The following GPC5 variants were observed in gnomAD, a reference collection of about 807,000 sequenced individuals.
The protein encoded by GPC5 is glypican 5, also known as glypican-5.
A neutral mutation model predicts 53.9 loss-of-function variants in GPC5; 47 were observed. That is an observed-to-expected ratio of 0.87 (90% CI 0.69 to 1.11). The LOEUF is 1.11. Among genes scored for constraint, GPC5 ranks in the 50% most tolerant of loss-of-function variants. GPC5 has a pLI of 0.00. For missense variants in GPC5, 748 were observed against 713.1 expected (o/e 1.05, Z -0.56); for synonymous variants, 286 against 263.3 (o/e 1.09, Z -0.84).
At chr13:92,245,365 A>G (rs1226859289) in intron 7 of GPC5, among the ~76,000 whole-genome samples, 1 of 152,062 alleles carries the variant, frequency 6.6e-6, no homozygotes, top group African/African-American at 2.4e-5. Flanking sequence ...TTTTGTTTCT[A>G]CCATTTATCC....
In GPC5 at chr13:92,814,697, A is replaced by G. The variant is rs375042267; in HGVS notation, c.1562-51585A>G. Among the ~76,000 whole-genome samples the G allele has an allele frequency of 1.3e-4, 19 of 151,874 alleles. 1 individual carries two copies. In the East Asian group the frequency reaches 3.1e-3, roughly 25 times the overall value. On this transcript the variant is annotated intron_variant, in intron 7 of 7. Coordinates refer to ENST00000377067, the MANE Select transcript of GPC5 (RefSeq NM_004466.6). ...TAAAAAATAAAAAATAAAAAAATAA[A>G]AACTTCATCAAAATTAAGAAATTTT...
chr13:92,652,995 G>T (rs1469727284), intron 7 of GPC5, among the ~76,000 whole-genome samples: 1 of 152,116 alleles, frequency 6.6e-6, no homozygotes, highest in African/African-American at 2.4e-5. Context: ...TTTGTGTAGT[G>T]TTTGTATGGG....
chr13:92,562,863 G>T (rs1207720911), intron 7 of GPC5, among the ~76,000 whole-genome samples: 1 of 151,966 alleles, frequency 6.6e-6, no homozygotes, highest in Non-Finnish European at 1.5e-5. Context: ...TCTGGTGATT[G>T]CTTTTTTTGT....
intron 7 of GPC5, among the ~76,000 whole-genome samples, chr13:92,708,935 T>A (rs908480680): frequency 7.7e-6 from 1 of 130,652 alleles, no homozygotes; most frequent in African/African-American, 2.9e-5. Context: ...CAGGCTGGAG[T>A]GCAGTGGCCT....
chr13:91,812,052 G>A (rs1301203851), intron 5 of GPC5, among the ~76,000 whole-genome samples: 9 of 152,150 alleles, frequency 5.9e-5, no homozygotes, highest in African/African-American at 9.7e-5. Context: ...GGTAGTACCT[G>A]AAATATACTA....
chr13:91,935,152 C>G (rs979573891), intron 6 of GPC5, among the ~76,000 whole-genome samples: 7 of 151,734 alleles, frequency 4.6e-5, no homozygotes, highest in African/African-American at 1.7e-4. Context: ...AAAAGAAAGG[C>G]AAGATAGGTG....
At chr13:91,645,564 A>C (rs768024669) in intron 2 of GPC5, among the ~76,000 whole-genome samples, 3 of 152,214 alleles carry the variant, frequency 2.0e-5, no homozygotes, top group Admixed American at 6.5e-5. Context: ...TTATGACCTC[A>C]TTACAATTTA....
At chr13:92,622,526 T>C (rs1159035675) in intron 7 of GPC5, among the ~76,000 whole-genome samples, 1 of 152,190 alleles carries the variant, frequency 6.6e-6, no homozygotes, top group Non-Finnish European at 1.5e-5. Context: ...CCTACTCTCC[T>C]ATGCTACTCT....
At chr13:91,977,897 T>G (rs1318738243) in intron 6 of GPC5, among the ~76,000 whole-genome samples, 2 of 149,908 alleles carry the variant, frequency 1.3e-5, no homozygotes, top group African/African-American at 4.9e-5. Context: ...GAATCCCTTG[T>G]GCCCAGGAGT....
chr13:92,378,166 T>TTCCTGCTAG (rs768923413), intron 7 of GPC5, among the ~76,000 whole-genome samples: 1 of 152,194 alleles, frequency 6.6e-6, no homozygotes, highest in Non-Finnish European at 1.5e-5. Context: ...AAATGCCACT[T>TTCCTGCTAG]TCCTGCTAGT....
chr13:92,512,277 A>G lies in GPC5; in HGVS notation c.1562-354005A>G, dbSNP rs550947121. ...GCGCGCGCGCGCGTACGCTGTGTGC[A>G]TGCACGCTCATGGTAACACATATTT... On this transcript the variant is annotated intron_variant, in intron 7 of 7. Transcript: ENST00000377067. Among the ~76,000 whole-genome samples, 207 of 152,004 alleles carry G rather than the reference A, an allele frequency of 1.4e-3. 1 individual carries two copies. Among genetic ancestry groups the G allele is most frequent in the African/African-American group, 4.7e-3 (196 of 41,482 alleles).
chr13:92,084,286 T>A (rs1016890849), intron 6 of GPC5, among the ~76,000 whole-genome samples: 11 of 152,348 alleles, frequency 7.2e-5, no homozygotes, highest in Admixed American at 3.9e-4. Context: ...TAATTTTTTT[T>A]AAATATAACA....
Position 92,622,953 on chromosome 13 carries a change from G to A in GPC5, c.1562-243329G>A, listed in dbSNP as rs78126639. On this transcript the variant is annotated intron_variant, in intron 7 of 7. Coordinates refer to ENST00000377067, the MANE Select transcript of GPC5 (RefSeq NM_004466.6). ...AAAATAATGAGGTCTGAGGGAAGAA[G>A]AAAGGAATGAAATGTTCAGGCAGGA... 6.7e-3 allele frequency among the ~76,000 whole-genome samples: 1,015 copies of A among 152,278 alleles called. 5 individuals are homozygous for A. The highest frequency in any genetic ancestry group is 0.014 in the Middle Eastern group (4 of 294).
At chr13:92,286,375 C>T (rs1275574613) in intron 7 of GPC5, among the ~76,000 whole-genome samples, 1 of 152,152 alleles carries the variant, frequency 6.6e-6, no homozygotes, top group Non-Finnish European at 1.5e-5. Context: ...ACCCAGCCAT[C>T]CCATTACGGG....
At chr13:92,424,652 T>A (rs1007168342) in intron 7 of GPC5, among the ~76,000 whole-genome samples, 7 of 152,066 alleles carry the variant, frequency 4.6e-5, no homozygotes, top group Non-Finnish European at 8.8e-5. Context: ...CTCTGTATTT[T>A]TTTTTTTAAT....
At chr13:91,773,168 G>C (rs796725928) in intron 5 of GPC5, among the ~76,000 whole-genome samples, 16 of 152,164 alleles carry the variant, frequency 1.1e-4, no homozygotes, top group African/African-American at 3.6e-4. Context: ...TTTAAGTATT[G>C]CATATTTCTG....
intron 6 of GPC5, among the ~76,000 whole-genome samples, chr13:92,104,946 A>G (rs1182492953): frequency 2.0e-5 from 3 of 152,144 alleles, no homozygotes; most frequent in African/African-American, 7.2e-5. Context: ...ATGTTGAGAA[A>G]TAGTGTTTTT....
intron 2 of GPC5, among the ~76,000 whole-genome samples, chr13:91,511,578 G>A (rs932700958): frequency 3.3e-5 from 5 of 151,956 alleles, no homozygotes; most frequent in African/African-American, 1.2e-4. Flanking sequence ...GAGTTTCAGC[G>A]CGGCTGATTT....
In GPC5 at chr13:91,640,015, C is replaced by CT. The variant is rs138576107; in HGVS notation, c.326-53162dup. On this transcript the variant is annotated intron_variant, in intron 2 of 7. Coordinates refer to ENST00000377067, the MANE Select transcript of GPC5 (RefSeq NM_004466.6). The stretch of plus-strand genomic sequence containing the variant: ...GTTGCTATATTTTGGTTCTCATACT[C>CT]TTTTTTTTTTCATTGTCTTTTGGGA... 9.7e-3 allele frequency among the ~76,000 whole-genome samples: 1,441 copies of CT among 149,184 alleles called. 24 individuals carry two copies. Among genetic ancestry groups the CT allele is most frequent in the African/African-American group, 0.034 (1,371 of 40,742 alleles).
Sources: gnomAD v4.1 joint callset for allele counts (sites outside exome capture counted in the v4.1 genomes callset) on GRCh38, gnomAD v4.1.1 for gene constraint, MANE v1.5 for transcripts, NCBI Gene and HGNC (gene_info 2026-07-23, HGNC 2026-07-21) for gene names.